Variants in AKAP9 observed in about 807,000 individuals in gnomAD.
AKAP9 encodes the protein A-kinase anchor protein 9.
A neutral mutation model predicts 488.5 loss-of-function variants in AKAP9; 311 were observed. The observed-to-expected ratio is 0.64, with a 90% CI of 0.58 to 0.70. The LOEUF is 0.70. Among genes scored for constraint, AKAP9 ranks in the 30% least tolerant of loss-of-function variants. The pLI is 0.00. For synonymous variants in AKAP9, 1,462 were observed against 1,483.5 expected, an observed-to-expected ratio of 0.99 and a Z score of 0.33; for missense variants, 4,215 against 4,374.5, an observed-to-expected ratio of 0.96 and a Z score of 1.03.
chr7:92,080,454 C>T (rs1332619650), intron 31 of AKAP9, among the ~76,000 whole-genome samples: 1 of 151,814 alleles, frequency 6.6e-6, no homozygotes, highest in African/African-American at 2.4e-5. Context: ...AAAAATTATC[C>T]GGGCGTGGTG....
intron 14 of AKAP9, 133 bp from the exon 15 acceptor site, chr7:92,029,762 G>A (rs1390393262): frequency 5.7e-5 from 39 of 684,210 alleles, no homozygotes; most frequent in Non-Finnish European, 9.5e-5. Flanking sequence ...GATTTAACTT[G>A]CAATACCTAT....
chr7:91,951,164 G>A (rs1792191931), intron 1 of AKAP9, among the ~76,000 whole-genome samples: 1 of 151,800 alleles, frequency 6.6e-6, no homozygotes. Flanking sequence ...AATAAGGTAG[G>A]CAATTTTAAT....
intron 37 of AKAP9, among the ~76,000 whole-genome samples, chr7:92,087,122 C>T (rs1170047725): frequency 6.6e-6 from 1 of 152,192 alleles, no homozygotes; most frequent in African/African-American, 2.4e-5. Flanking sequence ...AAATTTTTTG[C>T]TGCTGTATGC....
intron 37 of AKAP9, 63 bp downstream of exon 37, chr7:92,086,479 G>C (rs569279699): frequency 1.5e-6 from 2 of 1,361,008 alleles, no homozygotes; most frequent in East Asian, 2.3e-5. Flanking sequence ...ATTGATTTTA[G>C]AGTCTTAATT....
intron 43 of AKAP9, 131 bp from the exon 44 acceptor site, chr7:92,099,556 T>G: frequency 3.4e-6 from 3 of 881,676 alleles, no homozygotes; most frequent in Non-Finnish European, 3.8e-6. Flanking sequence ...GGTAAATATC[T>G]ACCTATTACT....
chr7:92,051,753 A>G (rs1808015797), intron 21 of AKAP9, among the ~76,000 whole-genome samples: 1 of 152,200 alleles, frequency 6.6e-6, no homozygotes, highest in Non-Finnish European at 1.5e-5. Flanking sequence ...AGCACTTGGT[A>G]CATGAAGATT....
At chr7:91,992,596 G>A (rs969343555) in intron 4 of AKAP9, among the ~76,000 whole-genome samples, 5 of 150,376 alleles carry the variant, frequency 3.3e-5, no homozygotes, top group East Asian at 2.0e-4. Context: ...CCCGGGAGGC[G>A]GAGGTTGCAG....
chr7:92,086,058 C>G (rs1030816949), intron 36 of AKAP9, among the ~76,000 whole-genome samples, 170 bp from the exon 37 acceptor site: 5 of 151,920 alleles, frequency 3.3e-5, no homozygotes, highest in Non-Finnish European at 7.4e-5. Flanking sequence ...CCACTGCACT[C>G]CAGCCTGAGC....
chr7:91,983,997 A>G (rs928245276), intron 3 of AKAP9, among the ~76,000 whole-genome samples: 1 of 151,978 alleles, frequency 6.6e-6, no homozygotes, highest in Non-Finnish European at 1.5e-5. Context: ...TTTCTTGTAA[A>G]TTTGTTTAAG....
At chr7:92,064,024 C>G (rs748068684) in intron 24 of AKAP9, among the ~76,000 whole-genome samples, 1 of 152,204 alleles carries the variant, frequency 6.6e-6, no homozygotes, top group African/African-American at 2.4e-5. Context: ...TCAGGTGATC[C>G]GCCCACCTCT....
At chr7:91,941,655 G>A (rs746226029) in intron 1 of AKAP9, among the ~76,000 whole-genome samples, 13 of 152,260 alleles carry the variant, frequency 8.5e-5, no homozygotes, top group Non-Finnish European at 1.6e-4. Flanking sequence ...GCTTGTGTGT[G>A]CCACAAGTGC....
chr7:92,100,941 C>G lies in AKAP9; in HGVS notation c.10982C>G (p.Thr3661Ser). The change falls in exon 45 of 50, where the codon ACT becomes AGT. Residue 3661 changes from threonine (T) to serine (S), a missense_variant. Coordinates refer to ENST00000356239, the MANE Select transcript of AKAP9 (RefSeq NM_005751.5). ...EKEVWNREKL[T>S]LQKSLKRAEA... The stretch of plus-strand genomic sequence containing the variant: ...GAAGTATGGAACAGAGAAAAATTGA[C>G]TCTCCAGAAATCTTTGAAAAGGGCA... 1 of 1,614,098 alleles carries G rather than the reference C, an allele frequency of 6.2e-7. No homozygotes were observed. Among genetic ancestry groups the G allele is most frequent in the Non-Finnish European group, 8.5e-7 (1 of 1,180,026 alleles).
At chr7:92,110,005 AAAG>A (rs2130930708) in intron 49 of AKAP9, 114 bp from the exon 50 acceptor site, 1 of 799,280 alleles carries the variant, frequency 1.3e-6, no homozygotes, top group South Asian at 1.5e-5. Flanking sequence ...TTAAGGAAAA[AAAG>A]GGCTTTAAAA....
chr7:91,991,634 G>A (rs1002160395), intron 3 of AKAP9, among the ~76,000 whole-genome samples: 3 of 151,726 alleles, frequency 2.0e-5, no homozygotes, highest in African/African-American at 7.3e-5. Context: ...ACCACACCCG[G>A]CTAATTTTTT....
chr7:92,052,503 C>T (rs1007977982), intron 21 of AKAP9, among the ~76,000 whole-genome samples: 1 of 152,182 alleles, frequency 6.6e-6, no homozygotes. Flanking sequence ...CCCACATGAT[C>T]AATTTCTGCA....
rs1481498206 is a variant in AKAP9 at position 92,079,925 on chromosome 7, G to A, written c.7792G>A (p.Gly2598Arg). ...NLNQLREDEL[G>R]SDISALTLRI... is the part of the protein sequence containing the mutation. ...AAATCAACTAAGAGAAGATGAGTTG[G>A]GGTCAGATATATCAGCATTAACCTT... Residue 2598 changes from glycine (G) to arginine (R), a missense_variant, in exon 31 of 50, where the codon GGG (glycine) becomes AGG (arginine). Coordinates refer to ENST00000356239, the MANE Select transcript of AKAP9 (RefSeq NM_005751.5). 3 of 1,613,162 alleles carry A rather than the reference G, an allele frequency of 1.9e-6. No individual in the cohort carries two copies. Among genetic ancestry groups the A allele is most frequent in the Admixed American group, 1.7e-5 (1 of 59,926 alleles).
intron 2 of AKAP9, among the ~76,000 whole-genome samples, chr7:91,978,932 A>ATTTTTTTTTT (rs34097770): frequency 1.1e-5 from 1 of 90,380 alleles, no homozygotes; most frequent in African/African-American, 4.2e-5. Flanking sequence ...TAGTTTTTGT[A>ATTTTTTTTTT]TTTTTTTTTT....
In AKAP9 at chr7:92,083,344, G is replaced by T. The variant is rs1463340231; in HGVS notation, c.8335G>T (p.Ala2779Ser). ...PLPIKLSKSIASQTDGTLKIS... is the reference protein window; with the variant it reads ...PLPIKLSKSISSQTDGTLKIS... ...TCCTATAAAACTGAGTAAGAGCATTGCATCCCAGACAGATGGGACTCTGAA... is the reference window on the plus strand; with the variant it reads ...TCCTATAAAACTGAGTAAGAGCATTTCATCCCAGACAGATGGGACTCTGAA... Residue 2779 changes from alanine to serine, a missense_variant, in exon 33 of 50, where the codon GCA becomes TCA. Around this residue, in one of 5 missense-constraint regions of AKAP9, gnomAD observed 1,476 missense variants for 1,477.4 expected, o/e 1.00. Coordinates refer to ENST00000356239, the MANE Select transcript of AKAP9 (RefSeq NM_005751.5). The T allele has an allele frequency of 1.9e-6, 3 of 1,614,040 alleles. No homozygotes were observed. Among genetic ancestry groups the T allele is most frequent in the African/African-American group, 1.3e-5 (1 of 75,050 alleles).
chr7:92,093,024 T>C, intron 38 of AKAP9, 73 bp from the exon 39 acceptor site: 1 of 1,321,028 alleles, frequency 7.6e-7, no homozygotes. Context: ...AAATCAGTTC[T>C]TATCAACAAA....
Sources: allele counts gnomAD v4.1 joint callset (sites outside exome capture counted in the v4.1 genomes callset), GRCh38; gene constraint gnomAD v4.1.1; regional missense constraint gnomAD v4.1.1; transcripts MANE v1.5; gene names NCBI Gene and HGNC (gene_info 2026-07-23, HGNC 2026-07-21).